The following ZNF148 variants were observed in gnomAD, a reference collection of about 807,000 sequenced individuals.
The protein encoded by ZNF148 is zinc finger protein 148, also known as Beta-Enolase Repressor Factor-1.
A neutral mutation model predicts 67.7 loss-of-function variants in ZNF148; 7 were observed. The observed-to-expected ratio is 0.10, with a 90% CI of 0.06 to 0.19. ZNF148 has a LOEUF of 0.19. Among genes scored for constraint, ZNF148 ranks in the 10% least tolerant of loss-of-function variants. The pLI is 1.00. For synonymous variants in ZNF148, 333 were observed against 330.7 expected (o/e 1.01, Z -0.08); for missense variants, 583 against 947.1 (o/e 0.62, Z 5.05).
intron 2 of ZNF148, among the ~76,000 whole-genome samples, chr3:125,325,196 C>T (rs965904870): frequency 1.3e-5 from 2 of 151,930 alleles, no homozygotes; most frequent in African/African-American, 4.8e-5. Context: ...AAATGGAAAT[C>T]CTGAAGTTTA....
chr3:125,367,940 G>C (rs944604638), intron 1 of ZNF148, among the ~76,000 whole-genome samples: 8 of 152,182 alleles, frequency 5.3e-5, no homozygotes, highest in Non-Finnish European at 1.2e-4. Context: ...AGTAGGAGTA[G>C]CTAAAATGAA....
intron 7 of ZNF148, among the ~76,000 whole-genome samples, chr3:125,243,205 C>T (rs1936445256): frequency 6.6e-6 from 1 of 152,198 alleles, no homozygotes; most frequent in East Asian, 1.9e-4. Context: ...GGATTTTCTA[C>T]ATCTTCTTAA....
chr3:125,290,217 A>G (rs150158732), intron 4 of ZNF148, among the ~76,000 whole-genome samples: 5 of 152,158 alleles, frequency 3.3e-5, no homozygotes, highest in African/African-American at 1.2e-4. Context: ...TCCCTTCTAT[A>G]CTCATCTAAC....
In ZNF148 at chr3:125,230,309, G is replaced by C. The variant is rs533606873; in HGVS notation, c.*2032C>G. ...GGGTGAGCACAGTTCCATTTTTAACGTATCACCTGAATGAAGCCTTTTTGT... is the reference window on the plus strand; with the variant it reads ...GGGTGAGCACAGTTCCATTTTTAACCTATCACCTGAATGAAGCCTTTTTGT... On this transcript the variant is annotated 3_prime_UTR_variant, in exon 9 of 9. Coordinates refer to ENST00000360647, the MANE Select transcript of ZNF148 (RefSeq NM_021964.3). The C allele has an allele frequency of 4.6e-5, 7 of 152,602 alleles. No individual in the cohort carries two copies. In the South Asian group the frequency reaches 1.5e-3, roughly 32 times the overall value. 9.5% of individuals were successfully genotyped at this position (152,602 alleles called of 1,614,324 possible).
At chr3:125,330,495 C>CA (rs1177385997) in intron 2 of ZNF148, among the ~76,000 whole-genome samples, 1 of 130,480 alleles carries the variant, frequency 7.7e-6, no homozygotes, top group African/African-American at 3.8e-5. Context: ...AAAAAATTCT[C>CA]AAAAAACAAA....
At chr3:125,262,291 C>G (rs1462944168) in intron 7 of ZNF148, among the ~76,000 whole-genome samples, 1 of 152,178 alleles carries the variant, frequency 6.6e-6, no homozygotes, top group Non-Finnish European at 1.5e-5. Context: ...TTAACTACTT[C>G]CAATTAAAGA....
intron 4 of ZNF148, among the ~76,000 whole-genome samples, chr3:125,298,847 T>G (rs1032699855): frequency 2.6e-5 from 4 of 152,060 alleles, no homozygotes; most frequent in Non-Finnish European, 4.4e-5. Context: ...CAGGATGGTC[T>G]CAATCTCCTG....
At position 125,285,794 on chromosome 3, in the gene ZNF148, G is replaced by A. The variant is rs2061086; in HGVS notation, c.459+2309C>T. 1.7e-3 allele frequency among the ~76,000 whole-genome samples: 254 copies of A among 152,166 alleles called. 2 individuals are homozygous for A. The East Asian group carries it at 0.022, about 13-fold the overall frequency. ...GCTACCCTAAAACATTCTCTTATAC[G>A]CACTATACTTAGAATAGGACAACTC... On this transcript the variant is annotated intron_variant, in intron 5 of 8. Coordinates refer to ENST00000360647, the MANE Select transcript of ZNF148 (RefSeq NM_021964.3).
At chr3:125,249,287 C>G (rs1248958097) in intron 7 of ZNF148, among the ~76,000 whole-genome samples, 2 of 152,068 alleles carry the variant, frequency 1.3e-5, no homozygotes, top group Admixed American at 6.6e-5. Context: ...AAGCTAATAT[C>G]CAAAATGCAA....
At chr3:125,263,550 C>CAA (rs35704064) in intron 7 of ZNF148, among the ~76,000 whole-genome samples, 14,191 of 147,104 alleles carry the variant, frequency 0.096, 786 homozygotes, top group African/African-American at 0.12. Context: ...GACTCTGTCT[C>CAA]AAAAAAAAAA....
intron 4 of ZNF148, chr3:125,292,590 T>C (rs1430304213): frequency 6.6e-6 from 1 of 152,218 alleles, no homozygotes; most frequent in Non-Finnish European, 1.5e-5. Flanking sequence ...CTTCCAGTAA[T>C]ATGTGCCTGT....
rs1469978108 is a variant in ZNF148 at position 125,226,415 on chromosome 3, A to G, written c.*5926T>C. 1 of 152,434 alleles carries G rather than the reference A, an allele frequency of 6.6e-6. No individual in the cohort carries two copies. Among genetic ancestry groups the G allele is most frequent in the East Asian group, 1.9e-4 (1 of 5,206 alleles). The allele number at this position is 152,434 out of a possible 1,614,324, so 9.4% of individuals were successfully genotyped here. A position where few individuals can be genotyped will look rare whatever the true frequency, so the allele number is the denominator to read the frequency against. On this transcript the variant is annotated 3_prime_UTR_variant, in exon 9 of 9. Coordinates refer to ENST00000360647, the MANE Select transcript of ZNF148 (RefSeq NM_021964.3). ...TTTCAAACAGCCAGTGTCCACATTTAAAATGCAGAATTTGCAAATATTAGT... is the reference window on the plus strand; with the variant it reads ...TTTCAAACAGCCAGTGTCCACATTTGAAATGCAGAATTTGCAAATATTAGT...
chr3:125,301,526 T>A (rs1270150145), intron 4 of ZNF148, among the ~76,000 whole-genome samples: 2 of 152,286 alleles, frequency 1.3e-5, no homozygotes, highest in East Asian at 3.8e-4. Context: ...TAAATAATTT[T>A]AAAACACTAA....
At chr3:125,254,614 CTAA>C (rs1936989527) in intron 7 of ZNF148, among the ~76,000 whole-genome samples, 1 of 152,162 alleles carries the variant, frequency 6.6e-6, no homozygotes, top group Non-Finnish European at 1.5e-5. Flanking sequence ...TCCTTCATTT[CTAA>C]TAATGCTTCT....
chr3:125,369,384 CAAAAAAAAA>C (rs759752715), intron 1 of ZNF148, among the ~76,000 whole-genome samples: 6 of 47,500 alleles, frequency 1.3e-4, no homozygotes, highest in African/African-American at 3.6e-4. Context: ...ACTGCAACCT[CAAAAAAAAA>C]AAAAAAAAAA....
chr3:125,264,209 A>G (rs1345940328), intron 7 of ZNF148, among the ~76,000 whole-genome samples: 1 of 152,206 alleles, frequency 6.6e-6, no homozygotes, highest in Non-Finnish European at 1.5e-5. Flanking sequence ...AAACTGTTAT[A>G]GCAAATTATC....
intron 1 of ZNF148, among the ~76,000 whole-genome samples, chr3:125,348,554 C>A (rs1318018562): frequency 3.4e-5 from 5 of 148,500 alleles, no homozygotes; most frequent in Admixed American, 6.7e-5. Context: ...ACTAAGGAGG[C>A]AAAGACTTGT....
chr3:125,283,835 T>C (rs1221553099), intron 5 of ZNF148, among the ~76,000 whole-genome samples: 7 of 152,146 alleles, frequency 4.6e-5, no homozygotes, highest in Non-Finnish European at 7.4e-5. Context: ...CAACAATATA[T>C]AATAAATTGC....
chr3:125,323,958 CAA>C (rs11316937), intron 2 of ZNF148, among the ~76,000 whole-genome samples: 137 of 127,840 alleles, frequency 1.1e-3, no homozygotes, highest in Middle Eastern at 4.0e-3. Flanking sequence ...GACTCTGTCT[CAA>C]AAAAAAAAAA....
Sources: gnomAD v4.1 joint callset for allele counts (sites outside exome capture counted in the v4.1 genomes callset) on GRCh38, gnomAD v4.1.1 for gene constraint, MANE v1.5 for transcripts, NCBI Gene and HGNC (gene_info 2026-07-23, HGNC 2026-07-21) for gene names.